The following MKLN1 variants were observed in gnomAD, a reference collection of about 807,000 sequenced individuals.
MKLN1 encodes muskelin.
MKLN1 carries 18 observed loss-of-function variants against 99.0 expected under a neutral mutation model. The observed-to-expected ratio is 0.18, with a 90% CI of 0.13 to 0.27. The LOEUF is 0.27. MKLN1 is among the 10% of genes least tolerant of loss of function. The probability of loss-of-function intolerance (pLI) is 1.00; values close to 1 mark genes in which losing one functional copy is unlikely to be tolerated. For synonymous variants in MKLN1, 288 were observed against 293.2 expected, an observed-to-expected ratio of 0.98 and a Z score of 0.18; for missense variants, 621 against 875.9, an observed-to-expected ratio of 0.71 and a Z score of 3.67.
intron 3 of MKLN1, among the ~76,000 whole-genome samples, chr7:131,229,061 T>C (rs76822587): frequency 0.16 from 24,124 of 152,010 alleles, 2,278 homozygotes; most frequent in South Asian, 0.26. Flanking sequence ...AATCAATACA[T>C]AGAAGGTGTA....
intron 3 of MKLN1, among the ~76,000 whole-genome samples, chr7:131,233,230 C>T (rs1296057229): frequency 4.6e-5 from 7 of 151,764 alleles, no homozygotes; most frequent in Non-Finnish European, 8.8e-5. Context: ...AATTATTAGC[C>T]GGGCAAGATA....
At chr7:131,242,860 C>T (rs975611244) in intron 3 of MKLN1, 8 of 664,288 alleles carry the variant, frequency 1.2e-5, no homozygotes, top group Non-Finnish European at 2.3e-5. Flanking sequence ...GTGGATATCC[C>T]CTTGGACAAA....
chr7:131,315,068 C>G (rs902335190), intron 3 of MKLN1, among the ~76,000 whole-genome samples: 3 of 152,114 alleles, frequency 2.0e-5, no homozygotes, highest in Middle Eastern at 3.2e-3. Flanking sequence ...CTGCGTGAAT[C>G]TGTTTTTAAT....
At chr7:131,210,110 A>T (rs993150823) in intron 3 of MKLN1, among the ~76,000 whole-genome samples, 10 of 152,218 alleles carry the variant, frequency 6.6e-5, no homozygotes, top group African/African-American at 2.4e-4. Flanking sequence ...GTACTCTTCT[A>T]ACCATGTTGG....
At chr7:131,192,311 AAT>A (rs1328213843) in intron 2 of MKLN1, among the ~76,000 whole-genome samples, 1 of 64,686 alleles carries the variant, frequency 1.5e-5, no homozygotes, top group African/African-American at 7.1e-5. Flanking sequence ...AAATATATAA[AAT>A]ATAATATATA....
In MKLN1 at chr7:131,429,036, CTGTT is replaced by C; in HGVS notation, c.853_856del (p.Val285IlefsTer20). Reference sequence around the variant, plus strand: ...CATATTTTTCTGATTTTCATAGAGACTGTTTATTTGTTTGGTGGCTGGGATGGAA... The same window carrying C: ...CATATTTTTCTGATTTTCATAGAGACTATTTGTTTGGTGGCTGGGATGGAA... On this transcript the variant is annotated frameshift_variant, in exon 9 of 18. Coordinates refer to ENST00000352689, the MANE Select transcript of MKLN1 (RefSeq NM_013255.5). LOFTEE classifies it high-confidence loss of function. 6.2e-7 allele frequency: 1 copy of C among 1,610,678 alleles called. No individual in the cohort carries two copies. The highest frequency in any genetic ancestry group is 8.5e-7 in the Non-Finnish European group (1 of 1,177,704).
chr7:131,478,915 T>G (rs1481702625), intron 17 of MKLN1: 2 of 552,184 alleles, frequency 3.6e-6, no homozygotes, highest in Non-Finnish European at 6.4e-6. Context: ...TGCAAACAGA[T>G]AGCAATAGAA....
intron 6 of MKLN1, among the ~76,000 whole-genome samples, chr7:131,405,234 T>TA (rs1794665123): frequency 1.3e-5 from 2 of 152,010 alleles, no homozygotes; most frequent in African/African-American, 4.8e-5. Context: ...TATATATATA[T>TA]TTTTCCATCA....
At chr7:131,111,472 A>G (rs1795197779) in intron 1 of MKLN1, among the ~76,000 whole-genome samples, 1 of 152,208 alleles carries the variant, frequency 6.6e-6, no homozygotes, top group Admixed American at 6.5e-5. Flanking sequence ...GAACTGGTTT[A>G]TATTTGGTCT....
chr7:131,439,588 C>A (rs573545509), intron 10 of MKLN1, among the ~76,000 whole-genome samples: 1 of 152,266 alleles, frequency 6.6e-6, no homozygotes, highest in East Asian at 1.9e-4. Context: ...TTAGAACTTA[C>A]ACTTGTAGTG....
intron 3 of MKLN1, chr7:131,310,254 T>C (rs1798542164): frequency 6.6e-6 from 1 of 152,196 alleles, no homozygotes; most frequent in African/African-American, 2.4e-5. Context: ...AGGACAGGAT[T>C]GCCGTCTCAT....
chr7:131,441,296 A>C (rs78253533), intron 10 of MKLN1, among the ~76,000 whole-genome samples: 1 of 152,332 alleles, frequency 6.6e-6, no homozygotes, highest in Non-Finnish European at 1.5e-5. Flanking sequence ...TTATAGCAAT[A>C]TCTTCAAATT....
At chr7:131,282,356 A>G (rs542899708) in intron 3 of MKLN1, among the ~76,000 whole-genome samples, 1 of 151,670 alleles carries the variant, frequency 6.6e-6, no homozygotes, top group Non-Finnish European at 1.5e-5. Context: ...TCTCAAAAAA[A>G]AAAAAAAAAA....
In MKLN1 at chr7:131,494,496, A is replaced by G. The variant is rs1202331451; in HGVS notation, c.*6768A>G. ...TCAACTCACTCCCAAATTTAATAAG[A>G]TATCAAAGTCCAAAAGGTTACTTAG... On this transcript the variant is annotated 3_prime_UTR_variant, in exon 18 of 18. Coordinates refer to ENST00000352689, the MANE Select transcript of MKLN1 (RefSeq NM_013255.5). The G allele has an allele frequency of 1.3e-5, 2 of 152,164 alleles. No individual in the cohort carries two copies. Among genetic ancestry groups the G allele is most frequent in the African/African-American group, 4.8e-5 (2 of 41,424 alleles). 9.4% of individuals were successfully genotyped at this position (152,164 alleles called of 1,614,324 possible).
chr7:131,192,183 TATATAAAATATA>T lies in MKLN1; in HGVS notation c.-296-10668_-296-10657del, dbSNP rs1563247436. Among the ~76,000 whole-genome samples, 54 of 101,310 alleles carry T rather than the reference TATATAAAATATA, an allele frequency of 5.3e-4. 6 individuals carry two copies. The highest frequency in any genetic ancestry group is 1.6e-3 in the Admixed American group (12 of 7,596). The allele number at this position is 101,310 out of a possible 152,430, so 66.5% of individuals were successfully genotyped here. A position where few individuals can be genotyped will look rare whatever the true frequency, so the allele number is the denominator to read the frequency against. On this transcript the variant is annotated intron_variant, in intron 2 of 7. Transcript: ENST00000416992. ...TATACTTATGTATAATATATAAAAATATATAAAATATAATATATACAATATATAAATATATAA... is the reference window on the plus strand; with the variant it reads ...TATACTTATGTATAATATATAAAAATATATATACAATATATAAATATATAA...
At chr7:131,121,160 A>T (rs1039656779) in intron 1 of MKLN1, among the ~76,000 whole-genome samples, 1 of 152,206 alleles carries the variant, frequency 6.6e-6, no homozygotes, top group South Asian at 2.1e-4. Flanking sequence ...TGAAGGGGGA[A>T]GTGCTACACA....
At chr7:131,168,908 C>T (rs992576663) in intron 2 of MKLN1, among the ~76,000 whole-genome samples, 6 of 150,274 alleles carry the variant, frequency 4.0e-5, no homozygotes, top group Non-Finnish European at 5.9e-5. Flanking sequence ...AGCTCTTCCA[C>T]CTAGGCTGGA....
intron 1 of MKLN1, among the ~76,000 whole-genome samples, chr7:131,112,551 T>C (rs1376690640): frequency 6.6e-6 from 1 of 152,212 alleles, no homozygotes; most frequent in Non-Finnish European, 1.5e-5. Context: ...TATAAAAGTA[T>C]AGAGAAAGTT....
rs557617890 is a variant in MKLN1, at chr7:131,212,290, G to A, written c.-179+9316G>A. On this transcript the variant is annotated intron_variant, in intron 3 of 7. Transcript: ENST00000416992. ...ATTCCTTCCCTGAAGGCTGTTTTGA[G>A]GCAGAGGGATAGGACCATGGACAGA... Among the ~76,000 whole-genome samples, 16 of 152,294 alleles carry A rather than the reference G, an allele frequency of 1.1e-4. No individual in the cohort carries two copies. In the South Asian group the frequency reaches 3.1e-3, roughly 30 times the overall value.
Sources: gnomAD v4.1 joint callset for allele counts (sites outside exome capture counted in the v4.1 genomes callset) on GRCh38, gnomAD v4.1.1 for gene constraint, MANE v1.5 for transcripts, NCBI Gene and HGNC (gene_info 2026-07-23, HGNC 2026-07-21) for gene names.